The following BRPF1 variants were observed in gnomAD, a reference collection of about 807,000 sequenced individuals.
BRPF1 encodes the protein peregrin.
Under a neutral mutation model 115.0 loss-of-function variants are expected in BRPF1, and 15 were observed. That is an observed-to-expected ratio of 0.13 (90% CI 0.09 to 0.20). The LOEUF is 0.20. Ranked by LOEUF, BRPF1 falls within the 10% of genes least tolerant of loss-of-function variation. The probability of loss-of-function intolerance (pLI) is 1.00; values close to 1 mark genes in which losing one functional copy is unlikely to be tolerated. For synonymous variants in BRPF1, 647 were observed against 619.8 expected, an observed-to-expected ratio of 1.04 and a Z score of -0.65; for missense variants, 1,118 against 1,638.3, an observed-to-expected ratio of 0.68 and a Z score of 5.48.
rs201219501 is a variant in BRPF1, at chr3:9,734,924, A to G, written c.599+185A>G. 1.3e-4 allele frequency among the ~76,000 whole-genome samples: 20 copies of G among 148,900 alleles called. No homozygotes were observed. The South Asian group carries it at 2.3e-3, about 17-fold the overall frequency. On this transcript the variant is annotated intron_variant, in intron 2 of 13. Transcript: ENST00000383829. The surrounding 1 kb of genome is among the most constrained non-coding windows in gnomAD (Gnocchi z 5.7). ...CACTTACTCTACAGTGCCACACGCT[A>G]CTCCTTTATTTTATTCTCAAAACTC...
At chr3:9,742,534 T>C (rs2125506936) in intron 6 of BRPF1, 1 of 985,424 alleles carries the variant, frequency 1.0e-6, no homozygotes, top group Non-Finnish European at 1.2e-6. Flanking sequence ...GACTCTTCTC[T>C]CTAAAAGGTA....
At chr3:9,742,292 A>G (rs2077044994) in intron 6 of BRPF1, 121 bp downstream of exon 6, 2 of 1,517,556 alleles carry the variant, frequency 1.3e-6, no homozygotes, top group Non-Finnish European at 1.8e-6. Flanking sequence ...GCTCTGGGGC[A>G]GGATGAACTG....
In BRPF1 at chr3:9,747,355, C is replaced by T. The variant is rs768175694; in HGVS notation, c.*6C>T. The T allele has an allele frequency of 1.9e-6, 3 of 1,612,270 alleles. No individual in the cohort carries two copies. The highest frequency in any genetic ancestry group is 2.2e-5 in the East Asian group (1 of 44,834). On this transcript the variant is annotated 3_prime_UTR_variant, in exon 14 of 14. Transcript: ENST00000383829. This position sits in a 1 kb window ranked among gnomAD's most constrained non-coding sequence, Gnocchi z 5.6. Reference sequence around the variant, plus strand: ...AGACCAGCGATAGTGATTGATACTGCTCAACACAGCCCAACCTATAGTGCC... The same window carrying T: ...AGACCAGCGATAGTGATTGATACTGTTCAACACAGCCCAACCTATAGTGCC...
Position 9,734,446 on chromosome 3 carries a change from C to T in BRPF1, c.306C>T (p.Asp102=). The T allele has an allele frequency of 6.2e-7, 1 of 1,614,116 alleles. No homozygotes were observed. Among genetic ancestry groups the T allele is most frequent in the African/African-American group, 1.3e-5 (1 of 75,024 alleles). The change falls in exon 2 of 14, where the codon GAC becomes GAT. Residue 102 remains aspartate (D), a synonymous_variant. Coordinates refer to ENST00000383829, the MANE Select transcript of BRPF1 (RefSeq NM_001003694.2). This position sits in a 1 kb window ranked among gnomAD's most constrained non-coding sequence, Gnocchi z 5.7. ...AGGCCCAGCGCATGGTGGAGGTGGA[C>T]TTGCATGGCCGCGTCCACCGCATCA... The part of the protein sequence containing the change: ...YAQAQRMVEV[D]LHGRVHRISI...
At position 9,739,962 on chromosome 3, in the gene BRPF1, T is replaced by A. The variant is rs756105058; in HGVS notation, c.1559+4T>A. 6.4e-7 allele frequency: 1 copy of A among 1,562,838 alleles called. No individual in the cohort carries two copies. Among genetic ancestry groups the A allele is most frequent in the East Asian group, 2.3e-5 (1 of 43,464 alleles). ...TGCCCTGCATCCCACCACACAGGTA[T>A]GTGGGGAGCCGGTGGACAGGCAGAT... On this transcript the variant is annotated splice_donor_region_variant and intron_variant, in intron 3 of 13. Coordinates refer to ENST00000383829, the MANE Select transcript of BRPF1 (RefSeq NM_001003694.2).
intron 6 of BRPF1, chr3:9,742,440 T>G: frequency 2.0e-6 from 2 of 985,418 alleles, no homozygotes; most frequent in South Asian, 9.4e-5. Context: ...GAAGACACTT[T>G]CGGGGTGCTG....
chr3:9,738,931 A>G (rs2076984859), intron 2 of BRPF1, 68 bp from the exon 3 acceptor site: 2 of 1,467,966 alleles, frequency 1.4e-6, no homozygotes, highest in Non-Finnish European at 1.8e-6. Flanking sequence ...TCAATGGCAA[A>G]TGACCCATCA....
Position 9,739,850 on chromosome 3 carries a change from A to G in BRPF1, c.1451A>G (p.Lys484Arg), listed in dbSNP as rs139007155. 82 of 1,592,230 alleles carry G rather than the reference A, an allele frequency of 5.2e-5. No individual in the cohort carries two copies. Among genetic ancestry groups the G allele is most frequent in the Admixed American group, 1.8e-4 (10 of 55,140 alleles). ...AAGGGCTGGAGCTCAGAGAAAGTCAAGAAGGCCAAGGCCAAGTCCCGGATC... is the reference window on the plus strand; with the variant it reads ...AAGGGCTGGAGCTCAGAGAAAGTCAGGAAGGCCAAGGCCAAGTCCCGGATC... ...EGKGWSSEKV[K>R]KAKAKSRIKM... The change falls in exon 3 of 14, where the codon AAG becomes AGG. Residue 484 changes from lysine (K) to arginine (R), a missense_variant. Around this residue, in one of 10 missense-constraint regions of BRPF1, gnomAD observed 87 missense variants for 93.4 expected, o/e 0.93. Transcript: ENST00000383829.
chr3:9,734,120 G>A lies in BRPF1; in HGVS notation c.-10-11G>A. 1 of 1,579,086 alleles carries A rather than the reference G, an allele frequency of 6.3e-7. No homozygotes were observed. The highest frequency in any genetic ancestry group is 8.6e-7 in the Non-Finnish European group (1 of 1,160,976). The stretch of plus-strand genomic sequence containing the variant: ...TCCCCAGCCTTATGTTAACTGATCT[G>A]TGTATTCTAGATGTGACAGCATGGG... On this transcript the variant is annotated splice_polypyrimidine_tract_variant and intron_variant, in intron 1 of 13. Coordinates refer to ENST00000383829, the MANE Select transcript of BRPF1 (RefSeq NM_001003694.2). This position sits in a 1 kb window ranked among gnomAD's most constrained non-coding sequence, Gnocchi z 5.7.
rs1395674250 is a variant in BRPF1, at chr3:9,739,035, A to G, written c.636A>G (p.Glu212=). ...IEKSAEELDE[E]VEYDMDEEDY... ...AGTCTGCAGAGGAGCTGGACGAGGAAGTAGAGTATGACATGGACGAGGAGG... is the reference window on the plus strand; with the variant it reads ...AGTCTGCAGAGGAGCTGGACGAGGAGGTAGAGTATGACATGGACGAGGAGG... Residue 212 remains glutamate, a synonymous_variant, in exon 3 of 14, where the codon GAA becomes GAG. Transcript: ENST00000383829. 6.3e-7 allele frequency: 1 copy of G among 1,597,330 alleles called. No individual in the cohort carries two copies.
At position 9,734,017 on chromosome 3, in the gene BRPF1, T is replaced by C; in HGVS notation, c.-10-114T>C. ...ATTTGGAGACACTGTAGAGGTAGGC[T>C]GGCCAGAATCTGGTGACTCCAAGTG... On this transcript the variant is annotated intron_variant, in intron 1 of 13. Transcript: ENST00000383829. This position sits in a 1 kb window ranked among gnomAD's most constrained non-coding sequence, Gnocchi z 5.7. 6.7e-7 allele frequency: 1 copy of C among 1,489,280 alleles called. No homozygotes were observed. Among genetic ancestry groups the C allele is most frequent in the Non-Finnish European group, 8.9e-7 (1 of 1,124,762 alleles). 92.3% of individuals were successfully genotyped at this position (1,489,280 alleles called of 1,614,324 possible). A position where few individuals can be genotyped will look rare whatever the true frequency, so the allele number is the denominator to read the frequency against.
At chr3:9,740,680 C>A in intron 3 of BRPF1, 99 bp from the exon 4 acceptor site, 1 of 1,448,776 alleles carries the variant, frequency 6.9e-7, no homozygotes, top group South Asian at 1.2e-5. Context: ...GATCCTCTCC[C>A]TTCATCCCCA....
chr3:9,734,059 A>G lies in BRPF1; in HGVS notation c.-10-72A>G. ...CTCCAAGTGAGGGGGAGGGCTAGAA[A>G]GACTGGGGTCTCTGGTGCAAATGGC... On this transcript the variant is annotated intron_variant, in intron 1 of 13. Transcript: ENST00000383829. The surrounding 1 kb of genome is among the most constrained non-coding windows in gnomAD (Gnocchi z 5.7). 3 of 1,515,784 alleles carry G rather than the reference A, an allele frequency of 2.0e-6. No individual in the cohort carries two copies. Among genetic ancestry groups the G allele is most frequent in the Non-Finnish European group, 1.8e-6 (2 of 1,135,922 alleles). 93.9% of individuals were successfully genotyped at this position (1,515,784 alleles called of 1,614,324 possible). A position where few individuals can be genotyped will look rare whatever the true frequency, so the allele number is the denominator to read the frequency against.
Position 9,734,791 on chromosome 3 carries a change from C to T in BRPF1, c.599+52C>T, listed in dbSNP as rs981583887. The T allele has an allele frequency of 1.9e-6, 3 of 1,590,966 alleles. No homozygotes were observed. Among genetic ancestry groups the T allele is most frequent in the African/African-American group, 2.7e-5 (2 of 74,250 alleles). ...TGGAAAACTGGTCAAGCAGGGCTCA[C>T]TAGCCAGAGAGAGGTGAGAGGCACA... On this transcript the variant is annotated intron_variant, in intron 2 of 13. Transcript: ENST00000383829. The surrounding 1 kb of genome is among the most constrained non-coding windows in gnomAD (Gnocchi z 5.7).
At chr3:9,741,522 A>G (rs2077029777) in intron 5 of BRPF1, 83 bp downstream of exon 5, 18 of 1,372,274 alleles carry the variant, frequency 1.3e-5, no homozygotes, top group Non-Finnish European at 1.6e-5. Context: ...CTGTAGTCCC[A>G]GCTACTCGGG....
chr3:9,747,588 T>C lies in BRPF1; in HGVS notation c.*239T>C. The C allele has an allele frequency of 2.2e-6, 1 of 446,894 alleles. No homozygotes were observed. The highest frequency in any genetic ancestry group is 4.0e-6 in the Non-Finnish European group (1 of 248,522). The allele number at this position is 446,894 out of a possible 1,614,324, so 27.7% of individuals were successfully genotyped here. On this transcript the variant is annotated 3_prime_UTR_variant, in exon 14 of 14. Coordinates refer to ENST00000383829, the MANE Select transcript of BRPF1 (RefSeq NM_001003694.2). The surrounding 1 kb of genome is among the most constrained non-coding windows in gnomAD (Gnocchi z 5.6). Reference sequence around the variant, plus strand: ...GGAGGGCCCACAGGTCAGAAAAAGCTCCAGAGACCTCACAGCATTGTAGGG... The same window carrying C: ...GGAGGGCCCACAGGTCAGAAAAAGCCCCAGAGACCTCACAGCATTGTAGGG...
Position 9,734,870 on chromosome 3 carries a change from G to A in BRPF1, c.599+131G>A, listed in dbSNP as rs919808093. 8 of 1,153,770 alleles carry A rather than the reference G, an allele frequency of 6.9e-6. No individual in the cohort carries two copies. In the Admixed American group the frequency reaches 1.2e-4, roughly 17 times the overall value. 71.5% of individuals were successfully genotyped at this position (1,153,770 alleles called of 1,614,324 possible). On this transcript the variant is annotated intron_variant, in intron 2 of 13. Transcript: ENST00000383829. This position sits in a 1 kb window ranked among gnomAD's most constrained non-coding sequence, Gnocchi z 5.7. ...GTGAAAGAACACTGATTTTGCCAGG[G>A]CAGTGAGTGGAATGGTACGCCACTA...
At position 9,743,383 on chromosome 3, in the gene BRPF1, G is replaced by A; in HGVS notation, c.2311+130G>A. ...GCTGAGCAGTGGCAAGCTATCCCCAGGAATGCTCCCCAAGAAGCCAGACTG... is the reference window on the plus strand; with the variant it reads ...GCTGAGCAGTGGCAAGCTATCCCCAAGAATGCTCCCCAAGAAGCCAGACTG... On this transcript the variant is annotated intron_variant, in intron 7 of 13. Transcript: ENST00000383829. This position sits in a 1 kb window ranked among gnomAD's most constrained non-coding sequence, Gnocchi z 6.1. 1 of 1,328,370 alleles carries A rather than the reference G, an allele frequency of 7.5e-7. No homozygotes were observed. Among genetic ancestry groups the A allele is most frequent in the Non-Finnish European group, 1.0e-6 (1 of 981,366 alleles). The allele number at this position is 1,328,370 out of a possible 1,614,324, so 82.3% of individuals were successfully genotyped here.
rs780235900 is a variant in BRPF1 at position 9,739,455 on chromosome 3, G to A, written c.1056G>A (p.Val352=). 6.2e-7 allele frequency: 1 copy of A among 1,614,068 alleles called. No homozygotes were observed. Among genetic ancestry groups the A allele is most frequent in the Non-Finnish European group, 8.5e-7 (1 of 1,179,966 alleles). Residue 352 remains valine, a synonymous_variant, in exon 3 of 14, where the codon GTG becomes GTA. Coordinates refer to ENST00000383829, the MANE Select transcript of BRPF1 (RefSeq NM_001003694.2). ...ATGACGGGCGCTGGGCCCATGTGGT[G>A]TGTGCCTTGTGGATCCCTGAGGTCT... ...QTDDGRWAHV[V]CALWIPEVCF... is the part of the protein sequence containing the mutation.
Sources: gnomAD v4.1 joint callset for allele counts (sites outside exome capture counted in the v4.1 genomes callset) on GRCh38, gnomAD v4.1.1 for gene constraint, gnomAD v4.1.1 regional missense constraint, Gnocchi (gnomAD v3.1) non-coding constraint, MANE v1.5 for transcripts, NCBI Gene and HGNC (gene_info 2026-07-23, HGNC 2026-07-21) for gene names.